The following ZKSCAN7 variants were observed in gnomAD, a reference collection of about 807,000 sequenced individuals.
ZKSCAN7 encodes the protein zinc finger with KRAB and SCAN domains 7, also known as zinc finger protein with KRAB and SCAN domains 7.
ZKSCAN7 carries 38 observed loss-of-function variants against 65.3 expected under a neutral mutation model. The observed-to-expected ratio is 0.58, with a 90% CI of 0.45 to 0.76. The LOEUF (loss-of-function observed/expected upper bound fraction) is 0.76. Among genes scored for constraint, ZKSCAN7 ranks in the 30% least tolerant of loss-of-function variants. The probability of loss-of-function intolerance (pLI) is 0.00; values close to 1 mark genes in which losing one functional copy is unlikely to be tolerated. For synonymous variants in ZKSCAN7, 321 were observed against 321.0 expected, an observed-to-expected ratio of 1.00 and a Z score of 0.00; for missense variants, 815 against 913.3, an observed-to-expected ratio of 0.89 and a Z score of 1.39.
At chr3:44,572,469 C>T (rs1044100403), downstream of ZKSCAN7, among the ~76,000 whole-genome samples, 5 of 151,242 alleles carry the variant, frequency 3.3e-5, no homozygotes, top group African/African-American at 1.2e-4. Context: ...GTTGGGCAGT[C>T]ATATCCCACT....
At position 44,557,067 on chromosome 3, in the gene ZKSCAN7, G is replaced by T. The variant is rs1575353320; in HGVS notation, c.20G>T (p.Gly7Val). The change falls in exon 2 of 6, where the codon GGA (glycine) becomes GTA (valine). Residue 7 changes from glycine to valine, a missense_variant. Coordinates refer to ENST00000426540, the MANE Select transcript of ZKSCAN7 (RefSeq NM_001288590.2). ...GTCACAATGACCACTGCAGGCAGGG[G>T]AAATTTAGGCCTCATCCCCAGGAGC... MTTAGRGNLGLIPRSTA... is the reference protein window; with the variant it reads MTTAGRVNLGLIPRSTA... The T allele has an allele frequency of 6.2e-7, 1 of 1,614,228 alleles. No homozygotes were observed. The highest frequency in any genetic ancestry group is 8.5e-7 in the Non-Finnish European group (1 of 1,180,046).
At chr3:44,558,685 C>G (rs1699371050) in intron 2 of ZKSCAN7, among the ~76,000 whole-genome samples, 3 of 151,098 alleles carry the variant, frequency 2.0e-5, no homozygotes, top group Admixed American at 1.3e-4. Flanking sequence ...GGTGGAATTT[C>G]TTCTTTCTTC....
chr3:44,580,821 C>T (rs1559435080), intron 5 of ZKSCAN7: 2 of 1,613,292 alleles, frequency 1.2e-6, no homozygotes, highest in East Asian at 4.5e-5. Context: ...CTGTCGCTGC[C>T]ATTTCGGAGA....
intron 3 of ZKSCAN7, among the ~76,000 whole-genome samples, chr3:44,567,445 A>G (rs1699669466): frequency 6.6e-6 from 1 of 152,198 alleles, no homozygotes; most frequent in African/African-American, 2.4e-5. Context: ...GGCATGTGGT[A>G]GGGGTCTAGG....
intron 3 of ZKSCAN7, among the ~76,000 whole-genome samples, chr3:44,566,716 C>A (rs758336262): frequency 6.2e-4 from 94 of 152,010 alleles, no homozygotes; most frequent in Admixed American, 1.5e-3. Context: ...TAATAGCTCA[C>A]TGTAGCCTTG....
intron 2 of ZKSCAN7, among the ~76,000 whole-genome samples, chr3:44,562,022 T>G (rs541311082): frequency 6.6e-6 from 1 of 152,358 alleles, no homozygotes; most frequent in African/African-American, 2.4e-5. Flanking sequence ...GTGTGGGGGC[T>G]CCAACCTTGC....
At chr3:44,563,397 A>G (rs1230993386) in intron 2 of ZKSCAN7, among the ~76,000 whole-genome samples, 1 of 152,222 alleles carries the variant, frequency 6.6e-6, no homozygotes, top group African/African-American at 2.4e-5. Context: ...GCTGTAAAGA[A>G]CTACCTGAGA....
intron 2 of ZKSCAN7, among the ~76,000 whole-genome samples, chr3:44,559,089 T>C (rs1699386548): frequency 6.6e-6 from 1 of 152,060 alleles, no homozygotes; most frequent in South Asian, 2.1e-4. Flanking sequence ...GAATTTCTTC[T>C]TCATGGAACT....
chr3:44,565,844 A>C lies in ZKSCAN7; in HGVS notation c.592+189A>C, dbSNP rs143111908. Among the ~76,000 whole-genome samples the C allele has an allele frequency of 7.5e-3, 1,138 of 152,290 alleles. 15 individuals carry two copies. The highest frequency in any genetic ancestry group is 0.026 in the African/African-American group (1,087 of 41,560). On this transcript the variant is annotated intron_variant, in intron 3 of 5. Coordinates refer to ENST00000426540, the MANE Select transcript of ZKSCAN7 (RefSeq NM_001288590.2). ...TCATTCGTGTAGTTAGTAAGTTTTC[A>C]TCAAGGGCATGTCGTAGGAAAGGCA...
Position 44,580,774 on chromosome 3 carries a change from C to T in ZKSCAN7, c.812-2198C>T, listed in dbSNP as rs573890378. On this transcript the variant is annotated intron_variant, in intron 5 of 5. Coordinates refer to the ZKSCAN7 transcript ENST00000341840. ...AGGGTCGTGGGCATCTCATCCAGGG[C>T]GTAGCGCAAGAGGCCATGCTCGTAA... 657 of 1,613,134 alleles carry T rather than the reference C, an allele frequency of 4.1e-4. 1 individual carries two copies. In the African/African-American group the frequency reaches 7.3e-3, roughly 18 times the overall value.
chr3:44,563,243 T>G (rs1699533995), intron 2 of ZKSCAN7, among the ~76,000 whole-genome samples: 1 of 152,200 alleles, frequency 6.6e-6, no homozygotes, highest in South Asian at 2.1e-4. Flanking sequence ...TTCCCACATC[T>G]TCCTGTCTTC....
chr3:44,558,108 A>G (rs1381148785), intron 2 of ZKSCAN7, among the ~76,000 whole-genome samples: 3 of 152,332 alleles, frequency 2.0e-5, no homozygotes, highest in African/African-American at 7.2e-5. Flanking sequence ...CATAGAGCCA[A>G]CTAGCTCTGT....
downstream of ZKSCAN7, among the ~76,000 whole-genome samples, chr3:44,575,124 C>T (rs1699896948): frequency 6.6e-6 from 1 of 152,030 alleles, no homozygotes; most frequent in African/African-American, 2.4e-5. Flanking sequence ...AAGACCCTGT[C>T]CCTAAATAAA....
Position 44,557,479 on chromosome 3 carries a change from T to G in ZKSCAN7, c.423+9T>G. Reference sequence around the variant, plus strand: ...TCAGTGGATCAGAGGAGGTGAGCAGTTGAGTCTAGAATGGCGGCCTGATGC... The same window carrying G: ...TCAGTGGATCAGAGGAGGTGAGCAGGTGAGTCTAGAATGGCGGCCTGATGC... On this transcript the variant is annotated intron_variant, in intron 2 of 5. Coordinates refer to ENST00000426540, the MANE Select transcript of ZKSCAN7 (RefSeq NM_001288590.2). 1 of 1,613,904 alleles carries G rather than the reference T, an allele frequency of 6.2e-7. No individual in the cohort carries two copies.
At chr3:44,579,920 G>C in intron 5 of ZKSCAN7, 1 of 1,603,392 alleles carries the variant, frequency 6.2e-7, no homozygotes, top group Non-Finnish European at 8.5e-7. Flanking sequence ...CCTGTCCAGT[G>C]ACTTGGCTCT....
At chr3:44,579,958 C>G in intron 5 of ZKSCAN7, 2 of 1,492,888 alleles carry the variant, frequency 1.3e-6, no homozygotes, top group Non-Finnish European at 1.8e-6. Flanking sequence ...GAAGCCGAGG[C>G]GTCTGGGAGA....
rs930676482 is a variant in ZKSCAN7 at position 44,572,047 on chromosome 3, T to G, written c.*672T>G. On this transcript the variant is annotated 3_prime_UTR_variant, in exon 6 of 6. Transcript: ENST00000426540. ...GCCTTGTAAATTTTGCGTGTCTGTA[T>G]ACTTTTATACCAACTTATTGTAGGC... 3.7e-5 allele frequency: 36 copies of G among 985,604 alleles called. No individual in the cohort carries two copies. The highest frequency in any genetic ancestry group is 4.3e-5 in the Non-Finnish European group (36 of 830,122). 61.1% of individuals were successfully genotyped at this position (985,604 alleles called of 1,614,324 possible). A position where few individuals can be genotyped will look rare whatever the true frequency, so the allele number is the denominator to read the frequency against.
intron 5 of ZKSCAN7, among the ~76,000 whole-genome samples, chr3:44,579,330 G>C (rs1265319524): frequency 6.7e-6 from 1 of 150,354 alleles, no homozygotes; most frequent in Admixed American, 6.6e-5. Flanking sequence ...AGGGGCTCGT[G>C]GGTGTCAGCA....
intron 3 of ZKSCAN7, among the ~76,000 whole-genome samples, chr3:44,566,405 T>C (rs1699631306): frequency 6.6e-6 from 1 of 152,090 alleles, no homozygotes; most frequent in Admixed American, 6.6e-5. Flanking sequence ...GAAGGCGCCT[T>C]AGTTAAAGGC....
Sources: gnomAD v4.1 joint callset for allele counts (sites outside exome capture counted in the v4.1 genomes callset) on GRCh38, gnomAD v4.1.1 for gene constraint, MANE v1.5 for transcripts, NCBI Gene and HGNC (gene_info 2026-07-23, HGNC 2026-07-21) for gene names.